The following TRABD2B variants were observed in gnomAD, a reference collection of about 807,000 sequenced individuals.
TRABD2B encodes TraB domain containing 2B, also known as metalloprotease TIKI2.
A neutral mutation model predicts 40.1 loss-of-function variants in TRABD2B; 14 were observed. The observed-to-expected ratio is 0.35, with a 90% CI of 0.23 to 0.55. The LOEUF is 0.55. Among genes scored for constraint, TRABD2B ranks in the 20% least tolerant of loss-of-function variants. The pLI, the probability that TRABD2B is intolerant of heterozygous loss-of-function variation, is 0.90. For missense variants in TRABD2B, 541 were observed against 648.6 expected (o/e 0.83, Z 1.80); for synonymous variants, 263 against 277.0 (o/e 0.95, Z 0.50).
intron 2 of TRABD2B, among the ~76,000 whole-genome samples, chr1:47,969,775 A>G (rs866359268): frequency 2.0e-5 from 3 of 152,366 alleles, no homozygotes; most frequent in Middle Eastern, 3.4e-3. Context: ...TTGCAGAGCC[A>G]GCCCTGGGGT....
At chr1:47,879,300 C>T (rs990218085) in intron 2 of TRABD2B, among the ~76,000 whole-genome samples, 3 of 151,974 alleles carry the variant, frequency 2.0e-5, no homozygotes, top group African/African-American at 4.8e-5. Context: ...ACAGTGATTC[C>T]GTAAGATTAT....
At chr1:47,829,471 T>C (rs1645221051) in intron 2 of TRABD2B, among the ~76,000 whole-genome samples, 2 of 152,112 alleles carry the variant, frequency 1.3e-5, no homozygotes, top group Admixed American at 1.3e-4. Context: ...TCACTGTCGA[T>C]GGCGTGCATA....
chr1:47,785,243 G>A (rs1421629400), intron 4 of TRABD2B, among the ~76,000 whole-genome samples: 1 of 152,124 alleles, frequency 6.6e-6, no homozygotes, highest in Non-Finnish European at 1.5e-5. Context: ...ACAGATTCAA[G>A]CTGGGACCAA....
chr1:47,861,442 TA>T (rs1353703337), intron 2 of TRABD2B, among the ~76,000 whole-genome samples: 1 of 151,766 alleles, frequency 6.6e-6, no homozygotes, highest in Non-Finnish European at 1.5e-5. Flanking sequence ...ACATCAGAAA[TA>T]AAGGAGGGTA....
At chr1:47,922,206 G>A (rs557574335) in intron 2 of TRABD2B, among the ~76,000 whole-genome samples, 3 of 152,338 alleles carry the variant, frequency 2.0e-5, no homozygotes, top group East Asian at 1.9e-4. Context: ...AGGGATCCAC[G>A]CTGTGGCTAA....
chr1:47,832,204 G>T (rs1468826718), intron 2 of TRABD2B, among the ~76,000 whole-genome samples: 1 of 152,144 alleles, frequency 6.6e-6, no homozygotes, highest in African/African-American at 2.4e-5. Context: ...ATGGTGGCGG[G>T]TGCCTGTATT....
chr1:47,782,730 G>A (rs893428434), intron 4 of TRABD2B, among the ~76,000 whole-genome samples: 8 of 152,194 alleles, frequency 5.3e-5, no homozygotes, highest in Non-Finnish European at 1.2e-4. Context: ...CCCAGAGCAT[G>A]CCGTCCTCAG....
chr1:47,793,772 A>T (rs905018836), intron 4 of TRABD2B, among the ~76,000 whole-genome samples: 2 of 152,254 alleles, frequency 1.3e-5, no homozygotes, highest in Non-Finnish European at 2.9e-5. Flanking sequence ...ACTGGCAGGG[A>T]CAGCCATATA....
intron 2 of TRABD2B, among the ~76,000 whole-genome samples, chr1:47,928,516 C>A (rs1422998368): frequency 6.6e-6 from 1 of 152,208 alleles, no homozygotes; most frequent in Non-Finnish European, 1.5e-5. Flanking sequence ...TTATTGGGCC[C>A]AAGAATCTGT....
chr1:47,920,798 G>A (rs1644892062), intron 2 of TRABD2B, among the ~76,000 whole-genome samples: 1 of 152,178 alleles, frequency 6.6e-6, no homozygotes, highest in Non-Finnish European at 1.5e-5. Flanking sequence ...CAGGATGAAT[G>A]AATGAATGAC....
chr1:47,805,484 C>T (rs1194435879), intron 2 of TRABD2B, among the ~76,000 whole-genome samples: 1 of 152,024 alleles, frequency 6.6e-6, no homozygotes, highest in Non-Finnish European at 1.5e-5. Context: ...CTCCCAAAGA[C>T]CCCTGTCCTT....
chr1:47,865,656 T>C (rs1293338257), intron 2 of TRABD2B, among the ~76,000 whole-genome samples: 1 of 152,180 alleles, frequency 6.6e-6, no homozygotes, highest in Non-Finnish European at 1.5e-5. Flanking sequence ...TCTCATCCTC[T>C]TTCTGAGCCT....
intron 2 of TRABD2B, among the ~76,000 whole-genome samples, chr1:47,967,781 T>C (rs1394319659): frequency 6.6e-6 from 1 of 152,244 alleles, no homozygotes; most frequent in East Asian, 1.9e-4. Context: ...TAAATGACAC[T>C]GAGTCTCCAA....
At chr1:47,995,115 A>T (rs1289439803) in intron 1 of TRABD2B, among the ~76,000 whole-genome samples, 1 of 152,216 alleles carries the variant, frequency 6.6e-6, no homozygotes, top group Non-Finnish European at 1.5e-5. Context: ...GAAGTCATAT[A>T]ACTTTTAAAT....
chr1:47,800,138 C>T (rs1644802904), intron 3 of TRABD2B, among the ~76,000 whole-genome samples: 1 of 152,074 alleles, frequency 6.6e-6, no homozygotes, highest in African/African-American at 2.4e-5. Context: ...ACTCCCTGCC[C>T]TCATGGAGCT....
intron 2 of TRABD2B, among the ~76,000 whole-genome samples, chr1:47,892,005 G>C (rs1392837870): frequency 6.6e-6 from 1 of 152,238 alleles, no homozygotes; most frequent in Non-Finnish European, 1.5e-5. Context: ...GAGTAAAACA[G>C]AAAGCCAGTG....
intron 4 of TRABD2B, among the ~76,000 whole-genome samples, chr1:47,788,300 A>C (rs1237837461): frequency 6.6e-6 from 1 of 152,086 alleles, no homozygotes; most frequent in Non-Finnish European, 1.5e-5. Flanking sequence ...CCCTTCTCTC[A>C]AGCCTGGGTG....
chr1:47,872,154 C>A (rs977456877), intron 2 of TRABD2B, among the ~76,000 whole-genome samples: 2 of 152,194 alleles, frequency 1.3e-5, no homozygotes, highest in African/African-American at 4.8e-5. Context: ...CTAGTCCCAT[C>A]CTCTCTGGGG....
chr1:47,939,074 A>G (rs1217208799), intron 2 of TRABD2B, among the ~76,000 whole-genome samples: 1 of 152,140 alleles, frequency 6.6e-6, no homozygotes, highest in East Asian at 1.9e-4. Flanking sequence ...AACGGTGATG[A>G]GGAAGAGAAC....
Sources: gnomAD v4.1 joint callset for allele counts (sites outside exome capture counted in the v4.1 genomes callset) on GRCh38, gnomAD v4.1.1 for gene constraint, MANE v1.5 for transcripts, NCBI Gene and HGNC (gene_info 2026-07-23, HGNC 2026-07-21) for gene names.